The following POU6F2 variants were observed in gnomAD, a reference collection of about 807,000 sequenced individuals.
The protein encoded by POU6F2 is POU class 6 homeobox 2.
In POU6F2, 31 loss-of-function variants were observed where a neutral mutation model predicts 71.3. The ratio of observed to expected loss-of-function variants is 0.43; its 90% CI spans 0.33 to 0.59. POU6F2 has a LOEUF of 0.59. Among genes scored for constraint, POU6F2 ranks in the 20% least tolerant of loss-of-function variants. POU6F2 has a pLI of 0.04. For missense variants in POU6F2, 783 were observed against 856.8 expected, an observed-to-expected ratio of 0.91 and a Z score of 1.07; for synonymous variants, 347 against 355.7, an observed-to-expected ratio of 0.98 and a Z score of 0.27.
At chr7:39,124,087 C>A (rs1490547700) in intron 2 of POU6F2, among the ~76,000 whole-genome samples, 1 of 140,810 alleles carries the variant, frequency 7.1e-6, no homozygotes, top group African/African-American at 2.7e-5. Flanking sequence ...TGCTCTGTCA[C>A]CCCGGCTGGA....
At chr7:39,054,326 G>A (rs12539432) in intron 1 of POU6F2, among the ~76,000 whole-genome samples, 34,439 of 151,762 alleles carry the variant, frequency 0.23, 4,061 homozygotes, top group South Asian at 0.37. Flanking sequence ...TATCAACCCT[G>A]ACCCTCACAA....
chr7:38,982,095 G>A (rs1054958787), intron 1 of POU6F2, among the ~76,000 whole-genome samples: 1 of 152,122 alleles, frequency 6.6e-6, no homozygotes, highest in African/African-American at 2.4e-5. Context: ...CACATTTGAA[G>A]ATTGCCCTCT....
intron 2 of POU6F2, among the ~76,000 whole-genome samples, chr7:39,166,118 G>A (rs1022948919): frequency 3.9e-5 from 6 of 152,114 alleles, no homozygotes; most frequent in Non-Finnish European, 1.5e-5. Flanking sequence ...TCTGTGTCCA[G>A]CATAATGTCC....
intron 5 of POU6F2, among the ~76,000 whole-genome samples, chr7:39,353,972 T>C (rs1054692393): frequency 1.2e-4 from 18 of 152,118 alleles, no homozygotes; most frequent in Non-Finnish European, 2.1e-4. Context: ...GTGAGTTACA[T>C]CGGCCCAGGC....
intron 1 of POU6F2, among the ~76,000 whole-genome samples, chr7:39,021,473 A>G (rs1584503959): frequency 1.3e-5 from 2 of 152,038 alleles, no homozygotes; most frequent in African/African-American, 2.4e-5. Context: ...CATTTGCCAT[A>G]TTTTATTGAA....
intron 5 of POU6F2, among the ~76,000 whole-genome samples, chr7:39,346,882 C>T (rs188998982): frequency 5.3e-5 from 8 of 152,312 alleles, no homozygotes; most frequent in East Asian, 3.9e-4. Flanking sequence ...ATATTCTCCA[C>T]GTTGTAAAGA....
At chr7:39,453,329 G>A (rs556466661) in intron 8 of POU6F2, among the ~76,000 whole-genome samples, 1 of 152,144 alleles carries the variant, frequency 6.6e-6, no homozygotes, top group Non-Finnish European at 1.5e-5. Flanking sequence ...TTTTCCTCGG[G>A]AAGAGTCAAA....
At chr7:39,214,396 C>A (rs1794200904) in intron 4 of POU6F2, among the ~76,000 whole-genome samples, 1 of 152,190 alleles carries the variant, frequency 6.6e-6, no homozygotes, top group Admixed American at 6.5e-5. Context: ...TTTTCCCTAA[C>A]ACTTAGGACC....
intron 1 of POU6F2, among the ~76,000 whole-genome samples, chr7:39,065,949 C>T (rs546993626): frequency 1.3e-5 from 2 of 151,682 alleles, no homozygotes; most frequent in Non-Finnish European, 3.0e-5. Flanking sequence ...ATTTTATAAG[C>T]CAATTGTCTT....
At chr7:39,160,968 C>G (rs1005346603) in intron 2 of POU6F2, among the ~76,000 whole-genome samples, 1 of 152,134 alleles carries the variant, frequency 6.6e-6, no homozygotes, top group Non-Finnish European at 1.5e-5. Context: ...TTCATGGCAG[C>G]CGTTGATATC....
intron 5 of POU6F2, among the ~76,000 whole-genome samples, chr7:39,352,748 A>G (rs1247250796): frequency 6.6e-6 from 1 of 151,692 alleles, no homozygotes; most frequent in Non-Finnish European, 1.5e-5. Flanking sequence ...TTTTTTTTCA[A>G]TTTTCATTTT....
chr7:39,161,897 G>A (rs1272767911), intron 2 of POU6F2, among the ~76,000 whole-genome samples: 5 of 152,192 alleles, frequency 3.3e-5, no homozygotes, highest in African/African-American at 4.8e-5. Context: ...GTCATCTTAC[G>A]TGGTATACTG....
intron 5 of POU6F2, among the ~76,000 whole-genome samples, chr7:39,397,075 T>C (rs1351113972): frequency 6.6e-6 from 1 of 152,084 alleles, no homozygotes; most frequent in Non-Finnish European, 1.5e-5. Flanking sequence ...AGCTAGGTCT[T>C]CACCTTTGGC....
At chr7:39,238,477 C>T (rs866901840) in intron 4 of POU6F2, among the ~76,000 whole-genome samples, 8 of 152,158 alleles carry the variant, frequency 5.3e-5, no homozygotes, top group East Asian at 1.9e-4. Context: ...CATTTGTTTA[C>T]GTATTGTTTG....
intron 6 of POU6F2, among the ~76,000 whole-genome samples, chr7:39,430,178 C>T (rs533929395): frequency 3.7e-4 from 57 of 152,342 alleles, no homozygotes; most frequent in South Asian, 8.3e-4. Context: ...GTGATACATT[C>T]GGGAATATGA....
chr7:39,278,929 A>G (rs62455873), intron 4 of POU6F2, among the ~76,000 whole-genome samples: 10,537 of 152,154 alleles, frequency 0.069, 506 homozygotes, highest in Admixed American at 0.12. Flanking sequence ...TACTTCCAAC[A>G]TTCTAGATTC....
At chr7:39,432,304 G>A (rs953119446) in intron 6 of POU6F2, among the ~76,000 whole-genome samples, 3 of 152,000 alleles carry the variant, frequency 2.0e-5, no homozygotes, top group African/African-American at 7.2e-5. Context: ...TCACCTTTAG[G>A]CCCTGGCTTT....
intron 1 of POU6F2, among the ~76,000 whole-genome samples, chr7:39,077,921 T>C (rs1791032081): frequency 6.6e-6 from 1 of 152,174 alleles, no homozygotes; most frequent in Non-Finnish European, 1.5e-5. Context: ...TCTAATACAG[T>C]GTTCATCTGA....
Position 39,464,672 on chromosome 7 carries a change from G to A in POU6F2, c.2149G>A (p.Glu717Lys), listed in dbSNP as rs1168182102. 3 of 1,603,124 alleles carry A rather than the reference G, an allele frequency of 1.9e-6. No individual in the cohort carries two copies. The highest frequency in any genetic ancestry group is 2.6e-6 in the Non-Finnish European group (3 of 1,175,628). The change falls in exon 10 of 10, where the codon GAA (glutamate) becomes AAA (lysine). Residue 717 changes from glutamate (E) to lysine (K), a missense_variant. By Grantham distance (56) the Glu-to-Lys change is moderately conservative. This residue lies in a region of POU6F2 where 211 missense variants were observed against 283.9 expected (regional missense o/e 0.74). Transcript: ENST00000518318. This position sits in a 1 kb window ranked among gnomAD's most constrained non-coding sequence, Gnocchi z 4.1. ...TTTGGAGCCCTTAACAGACTCTCTG[G>A]AAGAAAACTCCTAAAGAGATGCCCA... Reference protein sequence around the residue: ...VPLEPLTDSLEENS With the variant: ...VPLEPLTDSLKENS
Sources: gnomAD v4.1 joint callset for allele counts (sites outside exome capture counted in the v4.1 genomes callset) on GRCh38, gnomAD v4.1.1 for gene constraint, gnomAD v4.1.1 regional missense constraint, Gnocchi (gnomAD v3.1) non-coding constraint, MANE v1.5 for transcripts, NCBI Gene and HGNC (gene_info 2026-07-23, HGNC 2026-07-21) for gene names.